ESRRB: variants seen among roughly 807,000 people sequenced by gnomAD.
The protein encoded by ESRRB is steroid hormone receptor ERR2.
Under a neutral mutation model 46.0 loss-of-function variants are expected in ESRRB, and 16 were observed. The ratio of observed to expected loss-of-function variants is 0.35; its 90% CI spans 0.24 to 0.53. The LOEUF is 0.53. Ranked by LOEUF, ESRRB falls within the 20% of genes least tolerant of loss-of-function variation. ESRRB has a pLI of 0.93. For missense variants in ESRRB, 488 were observed against 607.4 expected (o/e 0.80, Z 2.07); for synonymous variants, 246 against 259.6 (o/e 0.95, Z 0.50).
chr14:76,340,894 C>T (rs543759993), intron 1 of ESRRB, among the ~76,000 whole-genome samples: 2 of 152,304 alleles, frequency 1.3e-5, no homozygotes, highest in South Asian at 4.1e-4. Flanking sequence ...TCTGCTCTCT[C>T]TGTTATGAAC....
chr14:76,349,035 T>C (rs922456006), intron 1 of ESRRB, among the ~76,000 whole-genome samples: 1 of 152,216 alleles, frequency 6.6e-6, no homozygotes, highest in African/African-American at 2.4e-5. Flanking sequence ...AAGCTTTCAC[T>C]AGCTTGTTCT....
At chr14:76,443,505 C>A (rs772579860) in intron 2 of ESRRB, among the ~76,000 whole-genome samples, 65 of 151,600 alleles carry the variant, frequency 4.3e-4, no homozygotes, top group Non-Finnish European at 8.6e-4. Context: ...TTGACAAACA[C>A]AAAATGTTTA....
chr14:76,441,426 T>C (rs1887917832), intron 2 of ESRRB, among the ~76,000 whole-genome samples: 1 of 152,144 alleles, frequency 6.6e-6, no homozygotes, highest in Non-Finnish European at 1.5e-5. Context: ...TGTTATCAAA[T>C]TCATGGCAGA....
Position 76,500,743 on chromosome 14 carries a change from G to A in ESRRB, c.*2285G>A. The A allele has an allele frequency of 1.9e-6, 3 of 1,613,794 alleles. No individual in the cohort carries two copies. Among genetic ancestry groups the A allele is most frequent in the Non-Finnish European group, 2.5e-6 (3 of 1,179,720 alleles). On this transcript the variant is annotated 3_prime_UTR_variant, in exon 7 of 7. Transcript: ENST00000644823. ...GTAACATCTGGCTTGGAGCAAGTGG[G>A]TGTTCTGCACACCAGGCAGCTGCAC...
chr14:76,476,169 G>A (rs1889578125), intron 3 of ESRRB, among the ~76,000 whole-genome samples: 1 of 151,946 alleles, frequency 6.6e-6, no homozygotes, highest in Non-Finnish European at 1.5e-5. Context: ...CGTCTGCACA[G>A]GGTCATGTAT....
chr14:76,387,560 T>C (rs1008139327), intron 1 of ESRRB, among the ~76,000 whole-genome samples: 4 of 152,156 alleles, frequency 2.6e-5, no homozygotes, highest in Non-Finnish European at 5.9e-5. Context: ...TAGTGTGGTA[T>C]TCCTCCCAAG....
At chr14:76,474,432 T>C (rs1292765704) in intron 3 of ESRRB, among the ~76,000 whole-genome samples, 1 of 152,262 alleles carries the variant, frequency 6.6e-6, no homozygotes, top group Non-Finnish European at 1.5e-5. Context: ...GTATACAGTT[T>C]GATAGCGTTT....
intron 3 of ESRRB, among the ~76,000 whole-genome samples, chr14:76,479,286 T>C (rs1889713787): frequency 6.6e-6 from 1 of 152,068 alleles, no homozygotes; most frequent in African/African-American, 2.4e-5. Flanking sequence ...GCCTAGGCTT[T>C]CTTTGGCCAC....
intron 1 of ESRRB, among the ~76,000 whole-genome samples, chr14:76,395,154 C>T (rs1185898709): frequency 1.3e-5 from 2 of 152,170 alleles, no homozygotes; most frequent in Admixed American, 6.5e-5. Context: ...GTAAGAGCTA[C>T]CTGAGAATTA....
chr14:76,473,270 G>A (rs1384195427), intron 3 of ESRRB, among the ~76,000 whole-genome samples: 1 of 152,250 alleles, frequency 6.6e-6, no homozygotes, highest in Admixed American at 6.5e-5. Flanking sequence ...GTATGAAATA[G>A]ATTTGTAAAC....
rs532060808 is a variant in ESRRB at position 76,449,388 on chromosome 14, T to C, written c.460+9638T>C. Among the ~76,000 whole-genome samples, 25 of 151,946 alleles carry C rather than the reference T, an allele frequency of 1.6e-4. No individual in the cohort carries two copies. The South Asian group carries it at 5.0e-3, about 30-fold the overall frequency. On this transcript the variant is annotated intron_variant, in intron 2 of 6. Transcript: ENST00000644823. Reference sequence around the variant, plus strand: ...CAACATGGCGAAACCCCATCTCTACTAAAAACACAAAACTTAGCTTGGCAT... The same window carrying C: ...CAACATGGCGAAACCCCATCTCTACCAAAAACACAAAACTTAGCTTGGCAT...
chr14:76,314,401 T>A (rs1216496711), intron 1 of ESRRB, among the ~76,000 whole-genome samples: 3 of 152,140 alleles, frequency 2.0e-5, no homozygotes, highest in African/African-American at 7.2e-5. Flanking sequence ...CTTCTCCTGC[T>A]CCAGTTCGGA....
chr14:76,501,259 G>A lies in ESRRB; in HGVS notation c.*2801G>A, dbSNP rs1182524440. On this transcript the variant is annotated 3_prime_UTR_variant, in exon 7 of 7. Coordinates refer to ENST00000644823, the MANE Select transcript of ESRRB (RefSeq NM_001379180.1). The stretch of plus-strand genomic sequence containing the variant: ...ACCATGGAGAAGGTGGTATGGCTGG[G>A]TTTTGTTTGGTCCCCTTGTCCTTAT... The A allele has an allele frequency of 6.4e-6, 1 of 157,224 alleles. No individual in the cohort carries two copies. Among genetic ancestry groups the A allele is most frequent in the Non-Finnish European group, 1.4e-5 (1 of 70,964 alleles). 9.7% of individuals were successfully genotyped at this position (157,224 alleles called of 1,614,324 possible).
upstream of ESRRB, among the ~76,000 whole-genome samples, chr14:76,375,445 A>G (rs1311719254): frequency 6.6e-6 from 1 of 152,172 alleles, no homozygotes; most frequent in Non-Finnish European, 1.5e-5. Context: ...CTAAGCAGAC[A>G]GGAATTTATT....
chr14:76,339,625 A>G (rs534184479), intron 1 of ESRRB, among the ~76,000 whole-genome samples: 1 of 152,234 alleles, frequency 6.6e-6, no homozygotes, highest in African/African-American at 2.4e-5. Flanking sequence ...CCAGAATCCC[A>G]CAATTCTCTG....
intron 3 of ESRRB, among the ~76,000 whole-genome samples, chr14:76,476,324 C>G (rs1889583978): frequency 6.6e-6 from 1 of 152,104 alleles, no homozygotes; most frequent in African/African-American, 2.4e-5. Flanking sequence ...ATATGTGACA[C>G]TTTACATTTG....
exon 1 of ESRRB, chr14:76,310,847 C>G (rs1426627769): frequency 2.2e-6 from 1 of 455,220 alleles, no homozygotes; most frequent in East Asian, 7.0e-5. Context: ...TTATCAGCAA[C>G]TGAAAGCACC....
At position 76,403,642 on chromosome 14, in the gene ESRRB, C is replaced by T. The variant is rs189275101; in HGVS notation, c.50+27191C>T. 4.6e-5 allele frequency among the ~76,000 whole-genome samples: 7 copies of T among 152,188 alleles called. No individual in the cohort carries two copies. In the South Asian group the frequency reaches 1.2e-3, roughly 27 times the overall value. On this transcript the variant is annotated intron_variant, in intron 1 of 6. Coordinates refer to ENST00000644823, the MANE Select transcript of ESRRB (RefSeq NM_001379180.1). ...CTCAGCTCTACATTTCCTTGCTGCA[C>T]GAGGCCCCGGTGCCCTCAGAGGTGG...
intron 1 of ESRRB, among the ~76,000 whole-genome samples, chr14:76,323,725 A>G (rs1278173511): frequency 6.6e-6 from 1 of 152,154 alleles, no homozygotes; most frequent in Non-Finnish European, 1.5e-5. Flanking sequence ...CTGCAGGGTG[A>G]CAGCATATTA....
Sources: gnomAD v4.1 joint callset for allele counts (sites outside exome capture counted in the v4.1 genomes callset) on GRCh38, gnomAD v4.1.1 for gene constraint, MANE v1.5 for transcripts, NCBI Gene and HGNC (gene_info 2026-07-23, HGNC 2026-07-21) for gene names.